Variants in PC observed in about 807,000 individuals in gnomAD.
The protein encoded by PC is pyruvate carboxylase, mitochondrial.
A neutral mutation model predicts 107.8 loss-of-function variants in PC; 46 were observed. The ratio of observed to expected loss-of-function variants is 0.43; its 90% CI spans 0.34 to 0.55. The LOEUF (loss-of-function observed/expected upper bound fraction) is 0.55. Ranked by LOEUF, PC falls within the 20% of genes least tolerant of loss-of-function variation. The pLI, the probability that PC is intolerant of heterozygous loss-of-function variation, is 0.04. For synonymous variants in PC, 662 were observed against 684.7 expected (o/e 0.97, Z 0.52); for missense variants, 1,241 against 1,643.1 (o/e 0.76, Z 4.23).
At chr11:66,950,367 C>T (rs932251389) in intron 3 of PC, among the ~76,000 whole-genome samples, 1 of 152,220 alleles carries the variant, frequency 6.6e-6, no homozygotes, top group South Asian at 2.1e-4. Flanking sequence ...CCAGCTGTCC[C>T]GTGCCCTCCC....
chr11:66,927,043 T>C (rs1948733727), intron 3 of PC, among the ~76,000 whole-genome samples: 2 of 149,394 alleles, frequency 1.3e-5, no homozygotes, highest in African/African-American at 4.9e-5. Flanking sequence ...CAGGCTGGAG[T>C]GCAATGGCAT....
chr11:66,857,357 G>A lies in PC; in HGVS notation c.1369-3974C>T, dbSNP rs1381046848. ...CAGGGAGGGGCCACGGACTCCACGGGAGGTTCGGGGGGCGCCTTCTCTGGC... is the reference window on the plus strand; with the variant it reads ...CAGGGAGGGGCCACGGACTCCACGGAAGGTTCGGGGGGCGCCTTCTCTGGC... On this transcript the variant is annotated intron_variant, in intron 12 of 22. Coordinates refer to ENST00000393960, the MANE Select transcript of PC (RefSeq NM_001040716.2). The surrounding 1 kb of genome is among the most constrained non-coding windows in gnomAD (Gnocchi z 7.1). 5.7e-6 allele frequency: 1 copy of A among 175,942 alleles called. No individual in the cohort carries two copies. The highest frequency in any genetic ancestry group is 1.2e-5 in the Non-Finnish European group (1 of 83,870). 10.9% of individuals were successfully genotyped at this position (175,942 alleles called of 1,614,324 possible).
At chr11:66,890,858 T>A (rs758656758) in intron 3 of PC, among the ~76,000 whole-genome samples, 69 of 152,068 alleles carry the variant, frequency 4.5e-4, no homozygotes, top group Non-Finnish European at 7.8e-4. Context: ...GCTGACAAAA[T>A]GATCATTGTT....
intron 3 of PC, among the ~76,000 whole-genome samples, chr11:66,931,208 G>A (rs1021683862): frequency 2.6e-5 from 4 of 151,614 alleles, no homozygotes; most frequent in African/African-American, 4.8e-5. Context: ...GTGAAACTTC[G>A]TCTCTACTAA....
intron 3 of PC, among the ~76,000 whole-genome samples, chr11:66,906,235 C>T (rs528101042): frequency 2.0e-5 from 3 of 152,288 alleles, no homozygotes; most frequent in Middle Eastern, 3.4e-3. Context: ...CACTTCTGAA[C>T]GAGCCTTTAC....
chr11:66,907,934 C>T (rs1305705865), intron 3 of PC: 1 of 152,370 alleles, frequency 6.6e-6, no homozygotes, highest in South Asian at 2.1e-4. Flanking sequence ...AATCCCCTGT[C>T]AATGACTTTC....
Position 66,866,482 on chromosome 11 carries a change from G to A in PC, c.1023-133C>T. On this transcript the variant is annotated intron_variant, in intron 10 of 22. Transcript: ENST00000393960. The surrounding 1 kb of genome is among the most constrained non-coding windows in gnomAD (Gnocchi z 5.4). ...ACTCCTGCCCATAGGCTCTGGGCCA[G>A]CCTGAACAGCCGGTTCCTCCCAACC... 2 of 685,310 alleles carry A rather than the reference G, an allele frequency of 2.9e-6. No homozygotes were observed. Among genetic ancestry groups the A allele is most frequent in the South Asian group, 3.6e-5 (2 of 56,212 alleles). 42.5% of individuals were successfully genotyped at this position (685,310 alleles called of 1,614,324 possible). A position where few individuals can be genotyped will look rare whatever the true frequency, so the allele number is the denominator to read the frequency against.
intron 12 of PC, chr11:66,859,935 C>T: frequency 2.5e-6 from 4 of 1,591,770 alleles, no homozygotes; most frequent in Non-Finnish European, 3.4e-6. Context: ...TGGCCGCCTC[C>T]CCCTCAAGCT....
intron 3 of PC, among the ~76,000 whole-genome samples, chr11:66,951,872 G>A (rs1441717516): frequency 2.7e-5 from 4 of 149,382 alleles, no homozygotes; most frequent in African/African-American, 9.9e-5. Context: ...CCTGGCAACA[G>A]AGCAAGACTC....
chr11:66,925,735 A>G (rs1440741056), intron 3 of PC, among the ~76,000 whole-genome samples: 4 of 152,244 alleles, frequency 2.6e-5, no homozygotes, highest in African/African-American at 4.8e-5. Context: ...TGGGGAAGTG[A>G]TAAGTGTCCC....
chr11:66,852,005 C>T lies in PC; in HGVS notation c.1826-59G>A. ...GCATGCCTGGGGAACTCCACCAGGC[C>T]TTGGAGCTAGCTCTGCAGCACAAGC... On this transcript the variant is annotated intron_variant, in intron 15 of 22. Coordinates refer to ENST00000393960, the MANE Select transcript of PC (RefSeq NM_001040716.2). This position sits in a 1 kb window ranked among gnomAD's most constrained non-coding sequence, Gnocchi z 4.7. 1.3e-6 allele frequency: 2 copies of T among 1,558,552 alleles called. No individual in the cohort carries two copies. Among genetic ancestry groups the T allele is most frequent in the Non-Finnish European group, 8.8e-7 (1 of 1,137,560 alleles).
At position 66,872,002 on chromosome 11, in the gene PC, C is replaced by T. The variant is rs45527240; in HGVS notation, c.136+22G>A. On this transcript the variant is annotated intron_variant, in intron 4 of 22. Coordinates refer to ENST00000393960, the MANE Select transcript of PC (RefSeq NM_001040716.2). ...GCTGGGGCGGCCATGAGGCTCCTCT[C>T]ACCGGCCCCACTGGTGCTCACCTCT... is the stretch of plus-strand genomic sequence containing the variant. The T allele has an allele frequency of 1.2e-5, 18 of 1,557,034 alleles. No individual in the cohort carries two copies. The East Asian group carries it at 4.3e-4, about 38-fold the overall frequency.
At chr11:66,898,679 C>T (rs760064738) in intron 3 of PC, among the ~76,000 whole-genome samples, 3 of 151,932 alleles carry the variant, frequency 2.0e-5, no homozygotes, top group Non-Finnish European at 4.4e-5. Context: ...GACTCTGTCT[C>T]AAGAAACAAA....
chr11:66,887,523 C>T (rs564840088), intron 3 of PC, among the ~76,000 whole-genome samples: 1 of 152,040 alleles, frequency 6.6e-6, no homozygotes, highest in Non-Finnish European at 1.5e-5. Flanking sequence ...AATTTTTAAA[C>T]ATAATAAATA....
At position 66,850,135 on chromosome 11, in the gene PC, A is replaced by G; in HGVS notation, c.2719-19T>C. On this transcript the variant is annotated intron_variant, in intron 19 of 22. Coordinates refer to ENST00000393960, the MANE Select transcript of PC (RefSeq NM_001040716.2). ...GCGTCACCTGAGGAGAAGGCCCTGG[A>G]GGTTAGGGTGCCAGGCACCTCAAGG... is the stretch of plus-strand genomic sequence containing the variant. 1 of 1,613,768 alleles carries G rather than the reference A, an allele frequency of 6.2e-7. No individual in the cohort carries two copies. The highest frequency in any genetic ancestry group is 8.5e-7 in the Non-Finnish European group (1 of 1,180,018).
chr11:66,857,887 G>C lies in PC; in HGVS notation c.1369-4504C>G. 1.2e-6 allele frequency: 2 copies of C among 1,611,464 alleles called. No homozygotes were observed. Among genetic ancestry groups the C allele is most frequent in the Non-Finnish European group, 1.7e-6 (2 of 1,179,920 alleles). On this transcript the variant is annotated intron_variant, in intron 12 of 22. Coordinates refer to ENST00000393960, the MANE Select transcript of PC (RefSeq NM_001040716.2). This position sits in a 1 kb window ranked among gnomAD's most constrained non-coding sequence, Gnocchi z 7.1. ...CTGTTTGTGCCGCCCAACGTGGACC[G>C]GCGCACAGTGGAGCTGCGGCTGGCT...
At chr11:66,873,495 AT>A (rs1946848632) in intron 3 of PC, among the ~76,000 whole-genome samples, 3 of 14,244 alleles carry the variant, frequency 2.1e-4, no homozygotes, top group Non-Finnish European at 3.7e-4. Flanking sequence ...TATTATATAT[AT>A]TATATAATAT....
rs202226738 is a variant in PC, at chr11:66,859,686, G to A, written c.1368+4088C>T. 1.6e-4 allele frequency: 254 copies of A among 1,612,932 alleles called. No homozygotes were observed. Among genetic ancestry groups the A allele is most frequent in the Middle Eastern group, 9.9e-4 (6 of 6,062 alleles). On this transcript the variant is annotated intron_variant, in intron 12 of 22. Coordinates refer to ENST00000393960, the MANE Select transcript of PC (RefSeq NM_001040716.2). ...CTTCCTGCTGAAGCACCTCGTCCCC[G>A]GCGCTGACTATGACCTCTGCCTGCT...
chr11:66,953,068 A>C (rs1308116255), intron 2 of PC, among the ~76,000 whole-genome samples: 4 of 152,258 alleles, frequency 2.6e-5, no homozygotes, highest in Non-Finnish European at 5.9e-5. Flanking sequence ...CAGTGGCACC[A>C]TGCCTGGCAC....
Sources: allele counts gnomAD v4.1 joint callset (sites outside exome capture counted in the v4.1 genomes callset), GRCh38; gene constraint gnomAD v4.1.1; non-coding constraint Gnocchi (gnomAD v3.1); transcripts MANE v1.5; gene names NCBI Gene and HGNC (gene_info 2026-07-23, HGNC 2026-07-21).